Variants in PCDH15 observed in about 807,000 individuals in gnomAD.
PCDH15 encodes the protein protocadherin related 15, also known as protocadherin-15.
PCDH15 carries 129 observed loss-of-function variants against 178.5 expected under a neutral mutation model. The observed-to-expected ratio is 0.72, with a 90% CI of 0.63 to 0.84. The LOEUF is 0.84. Ranked by LOEUF, PCDH15 falls within the 40% of genes least tolerant of loss-of-function variation. The pLI, the probability that PCDH15 is intolerant of heterozygous loss-of-function variation, is 0.00. For missense variants in PCDH15, 2,230 were observed against 2,099.9 expected (o/e 1.06, Z -1.21); for synonymous variants, 800 against 732.0 (o/e 1.09, Z -1.50).
chr10:55,084,382 G>T (rs1842112111), intron 2 of PCDH15, among the ~76,000 whole-genome samples: 1 of 150,440 alleles, frequency 6.6e-6, no homozygotes, highest in Non-Finnish European at 1.5e-5. Flanking sequence ...ACAGAAGAAT[G>T]AAACTAGACC....
intron 1 of PCDH15, among the ~76,000 whole-genome samples, chr10:54,690,662 T>C (rs2095104543): frequency 6.6e-6 from 1 of 152,150 alleles, no homozygotes; most frequent in Non-Finnish European, 1.5e-5. Context: ...CTCCTACTTA[T>C]TAACCAGAGT....
At chr10:54,566,795 T>C (rs1565615479) in intron 2 of PCDH15, among the ~76,000 whole-genome samples, 1 of 152,176 alleles carries the variant, frequency 6.6e-6, no homozygotes, top group Non-Finnish European at 1.5e-5. Flanking sequence ...TGAATAAAGA[T>C]GCTGTAAACA....
At chr10:54,487,037 C>T (rs1268498754) in intron 3 of PCDH15, among the ~76,000 whole-genome samples, 2 of 151,956 alleles carry the variant, frequency 1.3e-5, no homozygotes, top group Non-Finnish European at 2.9e-5. Flanking sequence ...GCCATTCATA[C>T]TTGTCATTAT....
At chr10:53,827,284 A>G in intron 32 of PCDH15, 109 bp downstream of exon 32, 1 of 1,335,526 alleles carries the variant, frequency 7.5e-7, no homozygotes, top group Non-Finnish European at 9.8e-7. Flanking sequence ...AATAGAATAA[A>G]ATAAATAGTC....
chr10:55,496,383 T>C (rs1349039685), intron 2 of PCDH15, among the ~76,000 whole-genome samples: 1 of 151,926 alleles, frequency 6.6e-6, no homozygotes, highest in Non-Finnish European at 1.5e-5. Flanking sequence ...GATGAATTTA[T>C]CATTAGTAAT....
At position 54,434,675 on chromosome 10, in the gene PCDH15, C is replaced by A. The variant is rs1185679453; in HGVS notation, c.158-55733G>T. On this transcript the variant is annotated intron_variant, in intron 3 of 37. Transcript: ENST00000644397. ...CTAATGCATTTCTTAGAAACTATGC[C>A]TATCATCAATCAAGGCATGACTGTA... is the stretch of plus-strand genomic sequence containing the variant. Among the ~76,000 whole-genome samples the A allele has an allele frequency of 2.0e-5, 3 of 152,268 alleles. No individual in the cohort carries two copies. In the East Asian group the frequency reaches 5.8e-4, roughly 29 times the overall value.
intron 1 of PCDH15, among the ~76,000 whole-genome samples, chr10:54,684,679 AAAT>A (rs1358282947): frequency 3.5e-4 from 53 of 152,200 alleles, no homozygotes; most frequent in Admixed American, 8.5e-4. Flanking sequence ...AGAAGGGAGG[AAAT>A]AATTTAGATC....
chr10:54,322,119 A>G (rs2061647790), intron 7 of PCDH15, among the ~76,000 whole-genome samples: 1 of 151,844 alleles, frequency 6.6e-6, no homozygotes, highest in Non-Finnish European at 1.5e-5. Context: ...AAACAAAACA[A>G]CCTACACTTT....
At chr10:55,220,604 C>G (rs1237147350) in intron 1 of PCDH15, among the ~76,000 whole-genome samples, 1 of 151,966 alleles carries the variant, frequency 6.6e-6, no homozygotes, top group African/African-American at 2.4e-5. Flanking sequence ...CAGCATGTTA[C>G]TATACTAAAT....
At chr10:53,965,459 G>C (rs1264233409) in intron 21 of PCDH15, among the ~76,000 whole-genome samples, 3 of 152,082 alleles carry the variant, frequency 2.0e-5, no homozygotes, top group Non-Finnish European at 2.9e-5. Flanking sequence ...GAACAAACTT[G>C]GCTCACACTA....
intron 1 of PCDH15, among the ~76,000 whole-genome samples, chr10:54,771,244 G>C (rs1949055688): frequency 1.3e-5 from 2 of 152,010 alleles, no homozygotes; most frequent in African/African-American, 4.8e-5. Flanking sequence ...TGTGCTTTGA[G>C]AGATGTTGGC....
rs143863947 is a variant in PCDH15 at position 55,211,129 on chromosome 10, T to C, written c.-155-44478A>G. ...AATGGCAGGGTCAAGGTAATGAAGA[T>C]GTGATGAAGGCAGTGGTAACAAGAA... On this transcript the variant is annotated intron_variant, in intron 1 of 5. Coordinates refer to the PCDH15 transcript ENST00000458638. Among the ~76,000 whole-genome samples, 474 of 152,094 alleles carry C rather than the reference T, an allele frequency of 3.1e-3. 4 individuals are homozygous for C. Among genetic ancestry groups the C allele is most frequent in the African/African-American group, 0.011 (450 of 41,452 alleles).
chr10:55,572,432 A>T (rs1260240595), intron 2 of PCDH15, among the ~76,000 whole-genome samples: 1 of 150,796 alleles, frequency 6.6e-6, no homozygotes, highest in Non-Finnish European at 1.5e-5. Flanking sequence ...TAGTATATTA[A>T]TATATTATAA....
chr10:54,807,712 A>G (rs1210571570), intron 3 of PCDH15, among the ~76,000 whole-genome samples: 1 of 148,340 alleles, frequency 6.7e-6, no homozygotes, highest in Middle Eastern at 3.6e-3. Context: ...TATATTGATA[A>G]TATTTATATA....
chr10:55,449,149 G>A (rs913738994), intron 2 of PCDH15, among the ~76,000 whole-genome samples: 9 of 152,060 alleles, frequency 5.9e-5, no homozygotes, highest in African/African-American at 2.2e-4. Context: ...TTTAAGTATA[G>A]AGACAATCTC....
chr10:55,549,274 T>G (rs1841957053), intron 2 of PCDH15, among the ~76,000 whole-genome samples: 1 of 152,132 alleles, frequency 6.6e-6, no homozygotes, highest in African/African-American at 2.4e-5. Context: ...TAAATAGAAG[T>G]TCAAATCATT....
At chr10:54,592,073 C>T (rs1283636955) in intron 2 of PCDH15, among the ~76,000 whole-genome samples, 1 of 152,132 alleles carries the variant, frequency 6.6e-6, no homozygotes, top group Non-Finnish European at 1.5e-5. Context: ...CAGCATCTTA[C>T]ATTTGTGAAC....
At chr10:55,407,057 C>G (rs958064465) in intron 2 of PCDH15, among the ~76,000 whole-genome samples, 2 of 152,034 alleles carry the variant, frequency 1.3e-5, no homozygotes, top group African/African-American at 4.8e-5. Flanking sequence ...ATGGCCTTGA[C>G]ATGATGAACT....
intron 2 of PCDH15, among the ~76,000 whole-genome samples, chr10:54,563,506 G>A (rs138805671): frequency 2.0e-5 from 3 of 152,214 alleles, no homozygotes; most frequent in African/African-American, 4.8e-5. Context: ...TAAGATATTA[G>A]GCTTTCTGGA....
Sources: gnomAD v4.1 joint callset for allele counts (sites outside exome capture counted in the v4.1 genomes callset) on GRCh38, gnomAD v4.1.1 for gene constraint, MANE v1.5 for transcripts, NCBI Gene and HGNC (gene_info 2026-07-23, HGNC 2026-07-21) for gene names.